CHDH: variants seen among roughly 807,000 people sequenced by gnomAD.
CHDH encodes choline dehydrogenase, mitochondrial.
In CHDH, 43 loss-of-function variants were observed where a neutral mutation model predicts 56.9. The ratio of observed to expected loss-of-function variants is 0.76; its 90% CI spans 0.59 to 0.97. The LOEUF is 0.97. CHDH is among the 50% of genes least tolerant of loss of function. CHDH has a pLI of 0.00. For synonymous variants in CHDH, 364 were observed against 348.5 expected (o/e 1.04, Z -0.50); for missense variants, 816 against 821.1 (o/e 0.99, Z 0.08).
Position 53,819,249 on chromosome 3 carries a change from A to G in CHDH, c.1264-209T>C, listed in dbSNP as rs1004339424. Reference sequence around the variant, plus strand: ...CTCTTTCATCCTGGCCTCATACTCCATGGCTCAAAGCTTTCAGAGGTGGTG... The same window carrying G: ...CTCTTTCATCCTGGCCTCATACTCCGTGGCTCAAAGCTTTCAGAGGTGGTG... On this transcript the variant is annotated intron_variant, in intron 7 of 8. Transcript: ENST00000315251. The surrounding 1 kb of genome is among the most constrained non-coding windows in gnomAD (Gnocchi z 5.4). Among the ~76,000 whole-genome samples, 9 of 152,148 alleles carry G rather than the reference A, an allele frequency of 5.9e-5. No individual in the cohort carries two copies. Among genetic ancestry groups the G allele is most frequent in the Non-Finnish European group, 1.0e-4 (7 of 68,022 alleles).
At chr3:53,821,488 A>C (rs541572521) in intron 5 of CHDH, among the ~76,000 whole-genome samples, 159 bp downstream of exon 5, 4 of 152,308 alleles carry the variant, frequency 2.6e-5, no homozygotes, top group African/African-American at 9.6e-5. Flanking sequence ...GACAGTGTCC[A>C]GTGAGGCCTG....
In CHDH at chr3:53,817,716, C is replaced by T; in HGVS notation, c.*61G>A. 1 of 1,432,980 alleles carries T rather than the reference C, an allele frequency of 7.0e-7. No individual in the cohort carries two copies. Among genetic ancestry groups the T allele is most frequent in the Non-Finnish European group, 9.4e-7 (1 of 1,058,402 alleles). 88.8% of individuals were successfully genotyped at this position (1,432,980 alleles called of 1,614,324 possible). A position where few individuals can be genotyped will look rare whatever the true frequency, so the allele number is the denominator to read the frequency against. ...TCAGGCAGGAGCCTGGGAGCAAGGG[C>T]TGTGCTGGCCCTCTTGGCTTATCAG... On this transcript the variant is annotated 3_prime_UTR_variant, in exon 9 of 9. Transcript: ENST00000315251.
At chr3:53,838,152 C>T (rs1698562224) in intron 2 of CHDH, among the ~76,000 whole-genome samples, 1 of 151,918 alleles carries the variant, frequency 6.6e-6, no homozygotes, top group African/African-American at 2.4e-5. Context: ...GGCCGCTCAA[C>T]CTCCACGGAT....
chr3:53,840,656 A>G (rs1180666622), intron 2 of CHDH, among the ~76,000 whole-genome samples: 1 of 152,202 alleles, frequency 6.6e-6, no homozygotes, highest in African/African-American at 2.4e-5. Context: ...CATCTCCATC[A>G]TCTCTTCTGG....
intron 1 of CHDH, among the ~76,000 whole-genome samples, chr3:53,844,137 T>C (rs1292419546): frequency 1.3e-5 from 2 of 152,090 alleles, no homozygotes; most frequent in Non-Finnish European, 2.9e-5. Context: ...TATCACCCCA[T>C]CCCTAAGCCC....
In CHDH at chr3:53,821,843, C is replaced by T; in HGVS notation, c.856-67G>A. On this transcript the variant is annotated intron_variant, in intron 4 of 8. Coordinates refer to ENST00000315251, the MANE Select transcript of CHDH (RefSeq NM_018397.5). Reference sequence around the variant, plus strand: ...GTTCTCCTGACTCACAGACCAGCGCCCTACTCTAGCCAGCACCATGAGAAC... The same window carrying T: ...GTTCTCCTGACTCACAGACCAGCGCTCTACTCTAGCCAGCACCATGAGAAC... 4 of 1,580,876 alleles carry T rather than the reference C, an allele frequency of 2.5e-6. No individual in the cohort carries two copies. The South Asian group carries it at 3.4e-5, about 14-fold the overall frequency.
intron 1 of CHDH, among the ~76,000 whole-genome samples, chr3:53,841,890 T>C (rs1180574686): frequency 6.6e-6 from 1 of 152,198 alleles, no homozygotes; most frequent in Non-Finnish European, 1.5e-5. Flanking sequence ...CTCACGCCTG[T>C]AATCCCAGCA....
rs776181383 is a variant in CHDH, at chr3:53,818,933, AGTACCT to A, written c.1365_1366+4del. 1.9e-6 allele frequency: 3 copies of A among 1,571,734 alleles called. No individual in the cohort carries two copies. The African/African-American group carries it at 4.1e-5, about 21-fold the overall frequency. The stretch of plus-strand genomic sequence containing the variant: ...AGCCCAGGAAGACACAGGTGGGTGA[AGTACCT>A]GTTGACAAGTAGTTGGGCTGGATCA... On this transcript the variant is annotated splice_donor_variant and splice_donor_region_variant and coding_sequence_variant and intron_variant, in exon 8 of 9. Transcript: ENST00000315251. LOFTEE classifies it high-confidence loss of function.
intron 2 of CHDH, among the ~76,000 whole-genome samples, chr3:53,839,360 C>A (rs1698603106): frequency 6.6e-6 from 1 of 152,198 alleles, no homozygotes; most frequent in African/African-American, 2.4e-5. Flanking sequence ...CCACACAGTT[C>A]TTCAACAATA....
chr3:53,816,890 G>A lies in CHDH; in HGVS notation c.*887C>T, dbSNP rs985098683. ...AGACAGGGTCTCACCCTGTCACCCA[G>A]GCTGGAGTGCAGTGGTGCCATCAGG... On this transcript the variant is annotated 3_prime_UTR_variant, in exon 9 of 9. Coordinates refer to ENST00000315251, the MANE Select transcript of CHDH (RefSeq NM_018397.5). The A allele has an allele frequency of 2.9e-5, 4 of 138,028 alleles. No homozygotes were observed. The highest frequency in any genetic ancestry group is 4.6e-4 in the South Asian group (2 of 4,366). The allele number at this position is 138,028 out of a possible 1,614,324, so 8.6% of individuals were successfully genotyped here.
At chr3:53,831,151 G>A (rs1430079433) in intron 2 of CHDH, among the ~76,000 whole-genome samples, 1 of 152,248 alleles carries the variant, frequency 6.6e-6, no homozygotes, top group African/African-American at 2.4e-5. Flanking sequence ...GTGGGCCTGT[G>A]GTGGTCGCCA....
In CHDH at chr3:53,823,523, GT is replaced by G. The variant is rs1378265186; in HGVS notation, c.485del (p.His162ProfsTer56). The G allele has an allele frequency of 3.2e-6, 5 of 1,542,174 alleles. No homozygotes were observed. In the Admixed American group the frequency reaches 5.9e-5, roughly 18 times the overall value. On this transcript the variant is annotated frameshift_variant, in exon 3 of 9. Coordinates refer to ENST00000315251, the MANE Select transcript of CHDH (RefSeq NM_018397.5). LOFTEE classifies it high-confidence loss of function. ...GCGCCTTGCGGAAGTAGGGCAGGCA[GT>G]GCGCGTAGTCCCAGCCGCGGGCGCC... Reference protein sequence around the residue: ...RQGARGWDYAHCLPYFRKAQG... With the variant: ...RQGARGWDYAXCLPYFRKAQG...
Position 53,818,032 on chromosome 3 carries a change from G to A in CHDH, c.1530C>T (p.Tyr510=), listed in dbSNP as rs1261645685. ...CCATCTTACAGGTGCACGAGGGGTG[G>A]TAGGCGCTGTCGGCTTTTGCCCGCA... ...AFVRAKADSA[Y]HPSCTCKMGQ... The change falls in exon 9 of 9, where the codon TAC becomes TAT. Residue 510 remains tyrosine, a synonymous_variant. Transcript: ENST00000315251. 1 of 1,614,234 alleles carries A rather than the reference G, an allele frequency of 6.2e-7. No individual in the cohort carries two copies. The highest frequency in any genetic ancestry group is 8.5e-7 in the Non-Finnish European group (1 of 1,180,050).
rs1290890968 is a variant in CHDH at position 53,812,480 on chromosome 3, T to C, written c.*5297A>G. The C allele has an allele frequency of 1.3e-5, 2 of 152,248 alleles. No homozygotes were observed. The highest frequency in any genetic ancestry group is 2.9e-5 in the Non-Finnish European group (2 of 68,044). 9.4% of individuals were successfully genotyped at this position (152,248 alleles called of 1,614,324 possible). ...TCCACAAGATATACCAGATGACTATTTGCAGTCTTTTCTTTGGGCAAGAGT... is the reference window on the plus strand; with the variant it reads ...TCCACAAGATATACCAGATGACTATCTGCAGTCTTTTCTTTGGGCAAGAGT... On this transcript the variant is annotated 3_prime_UTR_variant, in exon 9 of 9. Transcript: ENST00000315251.
At chr3:53,845,190 G>A (rs934154943) in intron 1 of CHDH, among the ~76,000 whole-genome samples, 1 of 152,108 alleles carries the variant, frequency 6.6e-6, no homozygotes, top group African/African-American at 2.4e-5. Flanking sequence ...AGGAAACAGA[G>A]CAATTCTCTG....
chr3:53,838,197 T>C (rs1698564019), intron 2 of CHDH, among the ~76,000 whole-genome samples: 1 of 152,122 alleles, frequency 6.6e-6, no homozygotes, highest in Non-Finnish European at 1.5e-5. Flanking sequence ...TCTTCTCCCT[T>C]GCAGGCGTGT....
At chr3:53,824,247 C>T (rs2095634726) in intron 2 of CHDH, among the ~76,000 whole-genome samples, 180 bp from the exon 3 acceptor site, 1 of 152,234 alleles carries the variant, frequency 6.6e-6, no homozygotes, top group Non-Finnish European at 1.5e-5. Context: ...CCAGGATGGA[C>T]AGGCACAGGC....
intron 5 of CHDH, 83 bp from the exon 6 acceptor site, chr3:53,820,691 C>A (rs535787477): frequency 5.7e-5 from 86 of 1,515,262 alleles, no homozygotes; most frequent in Middle Eastern, 5.6e-4. Flanking sequence ...TTGAAAAATT[C>A]TTTCCTATTC....
chr3:53,822,718 AAG>A (rs1171636904), intron 3 of CHDH, 76 bp from the exon 4 acceptor site: 11 of 1,531,414 alleles, frequency 7.2e-6, no homozygotes, highest in Non-Finnish European at 8.8e-6. Context: ...GAGCTGGAGA[AAG>A]AAAGAGTGGA....
Sources: allele counts gnomAD v4.1 joint callset (sites outside exome capture counted in the v4.1 genomes callset), GRCh38; gene constraint gnomAD v4.1.1; non-coding constraint Gnocchi (gnomAD v3.1); transcripts MANE v1.5; gene names NCBI Gene and HGNC (gene_info 2026-07-23, HGNC 2026-07-21).